The following PLCB4 variants were observed in gnomAD, a reference collection of about 807,000 sequenced individuals.
PLCB4 encodes 1-phosphatidylinositol 4,5-bisphosphate phosphodiesterase beta-4.
A neutral mutation model predicts 178.8 loss-of-function variants in PLCB4; 77 were observed. The observed-to-expected ratio is 0.43, with a 90% CI of 0.36 to 0.52. PLCB4 has a LOEUF of 0.52. Among genes scored for constraint, PLCB4 ranks in the 20% least tolerant of loss-of-function variants. The pLI is 0.00. For missense variants in PLCB4, 1,024 were observed against 1,453.4 expected (o/e 0.70, Z 4.80); for synonymous variants, 496 against 490.8 (o/e 1.01, Z -0.14).
intron 2 of PLCB4, among the ~76,000 whole-genome samples, chr20:9,156,702 C>G (rs996877481): frequency 1.3e-5 from 2 of 152,112 alleles, no homozygotes; most frequent in Admixed American, 1.3e-4. Context: ...CAAAAGCAAT[C>G]AGATCGTATT....
chr20:9,361,024 A>T (rs2035279601), intron 7 of PLCB4, among the ~76,000 whole-genome samples: 1 of 152,234 alleles, frequency 6.6e-6, no homozygotes, highest in Admixed American at 6.5e-5. Context: ...GACAAATTAG[A>T]ACCCTGAGCA....
At chr20:9,469,858 G>A (rs998320396) in intron 36 of PLCB4, among the ~76,000 whole-genome samples, 9 of 152,146 alleles carry the variant, frequency 5.9e-5, no homozygotes, top group South Asian at 2.1e-4. Context: ...AATTCCCAGC[G>A]ATCACCAGTG....
At chr20:9,369,967 A>G (rs777068987) in intron 9 of PLCB4, among the ~76,000 whole-genome samples, 1 of 152,176 alleles carries the variant, frequency 6.6e-6, no homozygotes, top group Non-Finnish European at 1.5e-5. Flanking sequence ...GTTAAAATGA[A>G]ATTATCATGG....
intron 9 of PLCB4, among the ~76,000 whole-genome samples, chr20:9,370,429 G>A (rs750664766): frequency 3.7e-4 from 56 of 152,266 alleles, no homozygotes; most frequent in Admixed American, 1.9e-3. Context: ...GTGGTTAAGT[G>A]TGGGAACCAG....
rs549956475 is a variant in PLCB4, at chr20:9,074,832, A to ATTTTT, written c.-135+5626_-135+5627insTTTTT. Among the ~76,000 whole-genome samples, 15 of 131,210 alleles carry ATTTTT rather than the reference A, an allele frequency of 1.1e-4. 1 individual carries two copies. The highest frequency in any genetic ancestry group is 4.0e-4 in the African/African-American group (14 of 35,072). 86.1% of individuals were successfully genotyped at this position (131,210 alleles called of 152,430 possible). ...TAAACAAAACAAAACAAAACAAAAC[A>ATTTTT]AAACAAAACAAAACAAAACATATTA... On this transcript the variant is annotated intron_variant, in intron 1 of 39. Coordinates refer to ENST00000378473, the MANE Select transcript of PLCB4 (RefSeq NM_001377142.1).
intron 3 of PLCB4, among the ~76,000 whole-genome samples, chr20:9,264,640 G>A (rs1601508293): frequency 6.6e-6 from 1 of 152,180 alleles, no homozygotes; most frequent in East Asian, 1.9e-4. Context: ...TATCAAAACA[G>A]TTTCATTTTG....
intron 2 of PLCB4, among the ~76,000 whole-genome samples, chr20:9,162,322 G>T (rs1157348133): frequency 6.6e-6 from 1 of 152,136 alleles, no homozygotes; most frequent in Non-Finnish European, 1.5e-5. Context: ...TAGACTTTTG[G>T]AGGAAAAGGA....
chr20:9,403,573 T>G (rs928005532), intron 20 of PLCB4, among the ~76,000 whole-genome samples: 1 of 152,084 alleles, frequency 6.6e-6, no homozygotes, highest in African/African-American at 2.4e-5. Context: ...AGTGCAGCCA[T>G]GTGGTGGAAG....
In PLCB4 at chr20:9,459,791, C is replaced by T; in HGVS notation, c.3229C>T (p.Leu1077=). The change falls in exon 35 of 40, where the codon CTG becomes TTG. Residue 1077 remains leucine, a synonymous_variant. Coordinates refer to ENST00000378473, the MANE Select transcript of PLCB4 (RefSeq NM_001377142.1). ...TGCCCACGAGCAGCAAACCCAGCAGCTGAAACTGTCCCATGACAGGTGGGG... is the reference window on the plus strand; with the variant it reads ...TGCCCACGAGCAGCAAACCCAGCAGTTGAAACTGTCCCATGACAGGTGGGG... The part of the protein sequence containing the change: ...INAHEQQTQQ[L]KLSHDRESKE... 6.2e-7 allele frequency: 1 copy of T among 1,608,368 alleles called. No individual in the cohort carries two copies. Among genetic ancestry groups the T allele is most frequent in the Non-Finnish European group, 8.5e-7 (1 of 1,175,382 alleles).
At chr20:9,474,770 GGT>G (rs1385090393) in intron 38 of PLCB4, among the ~76,000 whole-genome samples, 2 of 152,062 alleles carry the variant, frequency 1.3e-5, no homozygotes, top group Admixed American at 1.3e-4. Context: ...TTTACTTTTT[GGT>G]GGACAGAAAT....
chr20:9,466,584 CA>C (rs1247780722), intron 35 of PLCB4, among the ~76,000 whole-genome samples: 1 of 151,956 alleles, frequency 6.6e-6, no homozygotes, highest in East Asian at 1.9e-4. Context: ...AACAAATTTA[CA>C]AGAAAAAAAC....
At chr20:9,166,303 T>C (rs980520117) in intron 2 of PLCB4, 1 of 152,186 alleles carries the variant, frequency 6.6e-6, no homozygotes, top group Non-Finnish European at 1.5e-5. Flanking sequence ...GTGGCTCTTC[T>C]TGTTATGTTT....
intron 2 of PLCB4, among the ~76,000 whole-genome samples, chr20:9,151,336 C>T (rs964206216): frequency 3.3e-5 from 5 of 152,074 alleles, no homozygotes; most frequent in Admixed American, 2.6e-4. Flanking sequence ...CATTCCCTTA[C>T]AGATACTGAG....
At chr20:9,313,771 C>T (rs943746890) in intron 4 of PLCB4, among the ~76,000 whole-genome samples, 8 of 152,216 alleles carry the variant, frequency 5.3e-5, no homozygotes, top group Admixed American at 1.3e-4. Flanking sequence ...GTACTCACCG[C>T]TATACCACCA....
chr20:9,092,857 T>G (rs937256580), intron 1 of PLCB4, among the ~76,000 whole-genome samples: 1 of 152,158 alleles, frequency 6.6e-6, no homozygotes, highest in Non-Finnish European at 1.5e-5. Context: ...CTCAGAGCTC[T>G]CTCTCTTGTA....
intron 1 of PLCB4, among the ~76,000 whole-genome samples, chr20:9,074,346 G>T (rs184850322): frequency 6.6e-6 from 1 of 152,086 alleles, no homozygotes; most frequent in Non-Finnish European, 1.5e-5. Context: ...CTGTAGCTAC[G>T]GAAACACCCT....
chr20:9,171,893 A>C (rs1171165636), intron 2 of PLCB4, among the ~76,000 whole-genome samples: 2 of 152,110 alleles, frequency 1.3e-5, no homozygotes, highest in Non-Finnish European at 2.9e-5. Flanking sequence ...TCGATCTTCC[A>C]TATTTGGCAG....
At chr20:9,285,319 C>T (rs1601611700) in intron 3 of PLCB4, among the ~76,000 whole-genome samples, 1 of 151,852 alleles carries the variant, frequency 6.6e-6, no homozygotes, top group East Asian at 1.9e-4. Context: ...TTATTGGTTT[C>T]ATGTGACTAA....
intron 2 of PLCB4, among the ~76,000 whole-genome samples, chr20:9,200,467 T>G (rs989892397): frequency 6.6e-6 from 1 of 152,204 alleles, no homozygotes; most frequent in African/African-American, 2.4e-5. Flanking sequence ...CCGTAGTCAG[T>G]TCTCCAAAAG....
Sources: allele counts gnomAD v4.1 joint callset (sites outside exome capture counted in the v4.1 genomes callset), GRCh38; gene constraint gnomAD v4.1.1; transcripts MANE v1.5; gene names NCBI Gene and HGNC (gene_info 2026-07-23, HGNC 2026-07-21).